Variants in KIAA1328 observed in about 807,000 individuals in gnomAD.
The protein encoded by KIAA1328 is protein hinderin.
In KIAA1328, 52 loss-of-function variants were observed where a neutral mutation model predicts 68.1. The observed-to-expected ratio is 0.76, with a 90% CI of 0.61 to 0.96. KIAA1328 has a LOEUF of 0.96. Among genes scored for constraint, KIAA1328 ranks in the 40% least tolerant of loss-of-function variants. The pLI, the probability that KIAA1328 is intolerant of heterozygous loss-of-function variation, is 0.00. For missense variants in KIAA1328, 641 were observed against 677.6 expected, an observed-to-expected ratio of 0.95 and a Z score of 0.60; for synonymous variants, 232 against 239.4, an observed-to-expected ratio of 0.97 and a Z score of 0.28.
At chr18:37,115,145 TC>T (rs573873456) in intron 7 of KIAA1328, among the ~76,000 whole-genome samples, 1 of 152,120 alleles carries the variant, frequency 6.6e-6, no homozygotes, top group South Asian at 2.1e-4. Flanking sequence ...AAAGAGGGAA[TC>T]CTCCCTAACT....
At chr18:37,070,403 T>C (rs977088274) in intron 7 of KIAA1328, among the ~76,000 whole-genome samples, 5 of 152,166 alleles carry the variant, frequency 3.3e-5, no homozygotes, top group African/African-American at 1.2e-4. Flanking sequence ...GACAGAGGCG[T>C]TTTGAAATCT....
chr18:36,911,988 T>A (rs2049470689), intron 5 of KIAA1328, among the ~76,000 whole-genome samples: 1 of 114,934 alleles, frequency 8.7e-6, no homozygotes, highest in East Asian at 1.9e-4. Flanking sequence ...GAGAAAAAAA[T>A]ACTTATTCTT....
At chr18:37,159,055 A>G (rs758138399) in intron 7 of KIAA1328, among the ~76,000 whole-genome samples, 13 of 152,188 alleles carry the variant, frequency 8.5e-5, no homozygotes, top group Non-Finnish European at 1.5e-4. Flanking sequence ...GATTTAAAAA[A>G]AAAAGAAGAG....
intron 7 of KIAA1328, among the ~76,000 whole-genome samples, chr18:37,104,809 A>G (rs2057724060): frequency 6.6e-6 from 1 of 152,182 alleles, no homozygotes; most frequent in South Asian, 2.1e-4. Context: ...TTCTCAATAA[A>G]TTGGCAAAAT....
chr18:36,950,599 A>T (rs985409092), intron 5 of KIAA1328, among the ~76,000 whole-genome samples: 24 of 152,308 alleles, frequency 1.6e-4, no homozygotes, highest in Middle Eastern at 6.8e-3. Context: ...GAGGTGACAT[A>T]AAAATTAAGT....
intron 9 of KIAA1328, among the ~76,000 whole-genome samples, chr18:37,180,876 A>T (rs1027554594): frequency 6.6e-6 from 1 of 152,144 alleles, no homozygotes; most frequent in Non-Finnish European, 1.5e-5. Flanking sequence ...CTATGTGATG[A>T]TGGTGGCTAT....
intron 4 of KIAA1328, among the ~76,000 whole-genome samples, chr18:36,884,408 A>C (rs1444621714): frequency 6.6e-6 from 1 of 152,176 alleles, no homozygotes; most frequent in Non-Finnish European, 1.5e-5. Flanking sequence ...GCGAGAAGAA[A>C]TCACCCTATT....
In KIAA1328 at chr18:37,079,525, G is replaced by A. The variant is rs116461709; in HGVS notation, c.1232+11980G>A. Among the ~76,000 whole-genome samples, 793 of 151,658 alleles carry A rather than the reference G, an allele frequency of 5.2e-3. 11 individuals are homozygous for A. The highest frequency in any genetic ancestry group is 0.018 in the African/African-American group (739 of 41,338). ...AATAAAAATAAAAAAAAGAAGTGCA[G>A]CTATTTCATCATGTCTCAGAACTGT... On this transcript the variant is annotated intron_variant, in intron 7 of 9. Transcript: ENST00000280020.
intron 9 of KIAA1328, among the ~76,000 whole-genome samples, chr18:37,185,269 G>A (rs992067546): frequency 3.0e-4 from 46 of 152,212 alleles, no homozygotes; most frequent in South Asian, 2.1e-4. Context: ...GCACCACCCC[G>A]TTGACAAGGG....
chr18:37,023,712 G>T (rs2054439309), intron 6 of KIAA1328, among the ~76,000 whole-genome samples: 1 of 152,228 alleles, frequency 6.6e-6, no homozygotes, highest in African/African-American at 2.4e-5. Flanking sequence ...TTTGGCAGCA[G>T]AGTGGCAAGA....
intron 5 of KIAA1328, among the ~76,000 whole-genome samples, chr18:36,918,560 G>A (rs757933976): frequency 2.0e-5 from 3 of 151,726 alleles, no homozygotes; most frequent in East Asian, 1.9e-4. Context: ...TTACAGGTGC[G>A]CACCACCATG....
At chr18:37,219,205 C>T (rs1284455031) in intron 9 of KIAA1328, among the ~76,000 whole-genome samples, 1 of 152,188 alleles carries the variant, frequency 6.6e-6, no homozygotes, top group East Asian at 1.9e-4. Flanking sequence ...CCTCTGGAAG[C>T]TTCATCTCAA....
intron 1 of KIAA1328, among the ~76,000 whole-genome samples, chr18:36,830,619 G>C (rs923617108): frequency 1.3e-5 from 2 of 152,180 alleles, no homozygotes; most frequent in Non-Finnish European, 2.9e-5. Flanking sequence ...CTGAATAAGT[G>C]TATTAATAGA....
chr18:36,860,270 T>C (rs1057054394), intron 4 of KIAA1328, among the ~76,000 whole-genome samples: 1 of 152,160 alleles, frequency 6.6e-6, no homozygotes, highest in Admixed American at 6.5e-5. Flanking sequence ...GCGTTGTTCT[T>C]TTTATATTCA....
At chr18:36,874,952 T>G (rs2048070773) in intron 4 of KIAA1328, among the ~76,000 whole-genome samples, 1 of 152,216 alleles carries the variant, frequency 6.6e-6, no homozygotes, top group Non-Finnish European at 1.5e-5. Context: ...CCCCATTGCT[T>G]GTTTCTGTCA....
chr18:36,839,364 T>A (rs978286616), intron 3 of KIAA1328, among the ~76,000 whole-genome samples: 1 of 152,244 alleles, frequency 6.6e-6, no homozygotes, highest in African/African-American at 2.4e-5. Context: ...AGTGTGTTTT[T>A]CATATGAAAC....
At chr18:37,121,870 T>C (rs965118335) in intron 7 of KIAA1328, among the ~76,000 whole-genome samples, 1 of 152,054 alleles carries the variant, frequency 6.6e-6, no homozygotes, top group African/African-American at 2.4e-5. Context: ...ACAGAGAATG[T>C]GTATGTGTGT....
At chr18:36,931,790 C>T (rs1224145854) in intron 5 of KIAA1328, among the ~76,000 whole-genome samples, 1 of 151,600 alleles carries the variant, frequency 6.6e-6, no homozygotes, top group East Asian at 1.9e-4. Flanking sequence ...GGAATATATA[C>T]TGTGATGCAA....
At chr18:37,006,263 G>T (rs555927154) in intron 6 of KIAA1328, among the ~76,000 whole-genome samples, 6 of 150,984 alleles carry the variant, frequency 4.0e-5, no homozygotes, top group African/African-American at 1.2e-4. Flanking sequence ...AAACATATGG[G>T]TTTTTTTTTC....
Sources: gnomAD v4.1 joint callset for allele counts (sites outside exome capture counted in the v4.1 genomes callset) on GRCh38, gnomAD v4.1.1 for gene constraint, MANE v1.5 for transcripts, NCBI Gene and HGNC (gene_info 2026-07-23, HGNC 2026-07-21) for gene names.